Variants in HAUS7 observed in about 807,000 individuals in gnomAD.
The protein encoded by HAUS7 is HAUS augmin like complex subunit 7, also known as HAUS augmin-like complex subunit 7.
HAUS7 carries 3 observed loss-of-function variants against 28.4 expected under a neutral mutation model. The observed-to-expected ratio is 0.11, with a 90% CI of 0.05 to 0.27. The LOEUF is 0.27. Among genes scored for constraint, HAUS7 ranks in the 10% least tolerant of loss-of-function variants. HAUS7 has a pLI of 1.00. For synonymous variants in HAUS7, 165 were observed against 132.1 expected, an observed-to-expected ratio of 1.25 and a Z score of -1.71; for missense variants, 284 against 297.3, an observed-to-expected ratio of 0.96 and a Z score of 0.33.
At chrX:153,477,075 C>T (rs893109703) in intron 1 of HAUS7, among the ~76,000 whole-genome samples, 3 of 113,118 alleles carry the variant, frequency 2.7e-5, no homozygotes, top group African/African-American at 6.4e-5. Flanking sequence ...ACCAGGCTCC[C>T]GACCAGGGGA....
At chrX:153,464,928 G>T in intron 3 of HAUS7, 60 bp downstream of exon 3, 1 of 785,274 alleles carries the variant, frequency 1.3e-6, no homozygotes, top group Non-Finnish European at 2.0e-6. Context: ...AATGGAACAT[G>T]CACCACCACT....
At chrX:153,475,199 G>A (rs1167994447), upstream of HAUS7, among the ~76,000 whole-genome samples, 1 of 112,251 alleles carries the variant, frequency 8.9e-6, no homozygotes, top group Non-Finnish European at 1.9e-5. Flanking sequence ...AATTTCACAC[G>A]GGCAAAGAGG....
chrX:153,490,035 G>A (rs967685365), intron 1 of HAUS7, among the ~76,000 whole-genome samples: 1 of 112,891 alleles, frequency 8.9e-6, no homozygotes, highest in Non-Finnish European at 1.9e-5. Context: ...ATTGCTCCGA[G>A]CTGAAGTCAG....
At chrX:153,472,569 C>T (rs185717793), upstream of HAUS7, among the ~76,000 whole-genome samples, 1,944 of 108,961 alleles carry the variant, frequency 0.018, 35 homozygotes, top group African/African-American at 0.062. Flanking sequence ...AAAGAAGGGG[C>T]CCAGAGGTAG....
chrX:153,453,665 A>G (rs782604964), intron 9 of HAUS7, among the ~76,000 whole-genome samples: 155 of 110,640 alleles, frequency 1.4e-3, no homozygotes, highest in Non-Finnish European at 2.0e-3. Context: ...ATTGCAGATC[A>G]ATGAGAGAAA....
intron 1 of HAUS7, among the ~76,000 whole-genome samples, chrX:153,477,577 T>C (rs781898542): frequency 5.3e-5 from 6 of 112,676 alleles, no homozygotes; most frequent in Non-Finnish European, 1.1e-4. Flanking sequence ...AAGCTTCACT[T>C]AGTCTTGGCA....
At chrX:153,482,245 G>T in intron 1 of HAUS7, 1 of 719,757 alleles carries the variant, frequency 1.4e-6, no homozygotes, top group East Asian at 1.5e-4. Context: ...GTCAGGATGG[G>T]CCCAAAGCCA....
chrX:153,482,503 G>A, intron 1 of HAUS7: 1 of 754,439 alleles, frequency 1.3e-6, no homozygotes, highest in South Asian at 6.7e-5. Flanking sequence ...GGCAGGCCTG[G>A]GCAGGTGCCC....
At chrX:153,473,235 A>G (rs1182019348), upstream of HAUS7, among the ~76,000 whole-genome samples, 1 of 111,950 alleles carries the variant, frequency 8.9e-6, no homozygotes, top group Non-Finnish European at 1.9e-5. Flanking sequence ...TCAACCAGGG[A>G]CCCCCCAATC....
At chrX:153,476,221 T>C (rs2089562161) in intron 1 of HAUS7, among the ~76,000 whole-genome samples, 2 of 112,708 alleles carry the variant, frequency 1.8e-5, no homozygotes, top group African/African-American at 6.4e-5. Context: ...CTGGGGCCTC[T>C]GCACTGGCCA....
At position 153,470,537 on chromosome X, in the gene HAUS7, G is replaced by C. The variant is rs2089509470; in HGVS notation, c.21C>G (p.Gly7=). ...AGTAGTCGTCGCCGCCACGGCCGCA[G>C]CCAGCGTCCTGCCCCGCCATGTTTC... MAGQDA[G]CGRGGDDYSE... is the part of the protein sequence containing the mutation. The change falls in exon 1 of 10, where the codon GGC becomes GGG. Residue 7 remains glycine (G), a synonymous_variant. Transcript: ENST00000370211. 3.4e-6 allele frequency: 4 copies of C among 1,193,080 alleles called. No individual in the cohort carries two copies. Among genetic ancestry groups the C allele is most frequent in the Non-Finnish European group, 4.5e-6 (4 of 886,888 alleles).
intron 1 of HAUS7, among the ~76,000 whole-genome samples, chrX:153,489,351 G>A (rs1475064814): frequency 8.9e-6 from 1 of 112,337 alleles, no homozygotes; most frequent in African/African-American, 3.2e-5. Context: ...GCCACGCTCC[G>A]ACACCCACTC....
chrX:153,453,160 T>C (rs1485077581), intron 9 of HAUS7, among the ~76,000 whole-genome samples: 3 of 111,858 alleles, frequency 2.7e-5, no homozygotes, highest in Non-Finnish European at 3.8e-5. Flanking sequence ...AAGACACCAG[T>C]CACAAAAGGC....
chrX:153,459,752 A>C (rs782522749), intron 4 of HAUS7, among the ~76,000 whole-genome samples: 3 of 112,624 alleles, frequency 2.7e-5, no homozygotes, highest in East Asian at 2.8e-4. Flanking sequence ...ACAATGGCTC[A>C]TGCCCGTCAT....
chrX:153,454,799 C>T, intron 8 of HAUS7: 1 of 711,172 alleles, frequency 1.4e-6, no homozygotes, highest in Non-Finnish European at 2.1e-6. Flanking sequence ...CACTGCGTGT[C>T]CTCCCAGCCC....
chrX:153,450,573 T>C (rs1202780709), intron 9 of HAUS7, among the ~76,000 whole-genome samples: 1 of 112,599 alleles, frequency 8.9e-6, no homozygotes, highest in Non-Finnish European at 1.9e-5. Context: ...TGTCCCATTC[T>C]TGCACTGACA....
At chrX:153,454,540 GGGA>G in intron 8 of HAUS7, 32 bp from the exon 9 acceptor site, 1 of 590,436 alleles carries the variant, frequency 1.7e-6, no homozygotes, top group East Asian at 3.7e-5. Context: ...GAGGGAGGGA[GGGA>G]GGGAGCGAGC....
At chrX:153,468,214 G>A (rs1368210879) in intron 2 of HAUS7, among the ~76,000 whole-genome samples, 2 of 112,383 alleles carry the variant, frequency 1.8e-5, no homozygotes, top group South Asian at 3.7e-4. Context: ...GGGCCAGACC[G>A]GCTGGATGCA....
intron 1 of HAUS7, among the ~76,000 whole-genome samples, chrX:153,469,537 A>G (rs782140506): frequency 2.0e-4 from 22 of 112,799 alleles, no homozygotes; most frequent in African/African-American, 6.8e-4. Context: ...CATGTTGGCC[A>G]GGCTGGTGTC....
Sources: gnomAD v4.1 joint callset for allele counts (sites outside exome capture counted in the v4.1 genomes callset) on GRCh38, gnomAD v4.1.1 for gene constraint, MANE v1.5 for transcripts, NCBI Gene and HGNC (gene_info 2026-07-23, HGNC 2026-07-21) for gene names.